Variants in TAFA5 observed in about 807,000 individuals in gnomAD.
The protein encoded by TAFA5 is chemokine-like protein TAFA-5.
TAFA5 carries 6 observed loss-of-function variants against 15.3 expected under a neutral mutation model. That is an observed-to-expected ratio of 0.39 (90% CI 0.21 to 0.77). The LOEUF (loss-of-function observed/expected upper bound fraction) is 0.77, where lower values mean the gene tolerates loss of function less well. TAFA5 is among the 30% of genes least tolerant of loss of function. The probability of loss-of-function intolerance (pLI) is 0.41; values close to 1 mark genes in which losing one functional copy is unlikely to be tolerated. For synonymous variants in TAFA5, 103 were observed against 80.7 expected, an observed-to-expected ratio of 1.28 and a Z score of -1.48; for missense variants, 161 against 193.1, an observed-to-expected ratio of 0.83 and a Z score of 0.98.
rs130225 is a variant in TAFA5, at chr22:48,742,890, A to C, written c.391-6949A>C. ...GTGAGGAGGGCCCTCTGCTGCCTCCATGCAGCCCACACGCGGGGCCCCCAC... is the reference window on the plus strand; with the variant it reads ...GTGAGGAGGGCCCTCTGCTGCCTCCCTGCAGCCCACACGCGGGGCCCCCAC... On this transcript the variant is annotated intron_variant, in intron 3 of 3. Transcript: ENST00000402357. This position sits in a 1 kb window ranked among gnomAD's most constrained non-coding sequence, Gnocchi z 6.2. Among the ~76,000 whole-genome samples the C allele has an allele frequency of 5.9e-5, 9 of 152,020 alleles. No individual in the cohort carries two copies. The highest frequency in any genetic ancestry group is 2.1e-4 in the South Asian group (1 of 4,832).
rs1201475535 is a variant in TAFA5, at chr22:48,750,942, CTG to C, written c.*1096_*1097del. On this transcript the variant is annotated 3_prime_UTR_variant, in exon 4 of 4. Coordinates refer to ENST00000402357, the MANE Select transcript of TAFA5 (RefSeq NM_001082967.3). ...CGAGCCCCGTGTGTTTCTGAAGACT[CTG>C]GGGGTGGGACACGGCGGGGAGGTGG... The C allele has an allele frequency of 6.6e-6, 1 of 152,432 alleles. No homozygotes were observed. The allele number at this position is 152,432 out of a possible 1,614,324, so 9.4% of individuals were successfully genotyped here. A position where few individuals can be genotyped will look rare whatever the true frequency, so the allele number is the denominator to read the frequency against.
At chr22:48,712,081 A>G (rs1170696548) in intron 3 of TAFA5, among the ~76,000 whole-genome samples, 1 of 152,040 alleles carries the variant, frequency 6.6e-6, no homozygotes, top group Non-Finnish European at 1.5e-5. Flanking sequence ...TTGGGGATGG[A>G]GTTTCGCTCT....
Position 48,493,114 on chromosome 22 carries a change from C to A in TAFA5, c.112+3410C>A, listed in dbSNP as rs552655837. Reference sequence around the variant, plus strand: ...GGACCTGGGGCAACTCCCTATGACACCTAAGCACTGACTCGGTCCTTGTGT... The same window carrying A: ...GGACCTGGGGCAACTCCCTATGACAACTAAGCACTGACTCGGTCCTTGTGT... On this transcript the variant is annotated intron_variant, in intron 1 of 3. Coordinates refer to ENST00000402357, the MANE Select transcript of TAFA5 (RefSeq NM_001082967.3). Among the ~76,000 whole-genome samples the A allele has an allele frequency of 1.5e-4, 23 of 152,292 alleles. 1 individual carries two copies. The South Asian group carries it at 4.4e-3, about 29-fold the overall frequency.
At chr22:48,665,084 G>A (rs545552654) in intron 2 of TAFA5, among the ~76,000 whole-genome samples, 50 of 152,242 alleles carry the variant, frequency 3.3e-4, no homozygotes, top group African/African-American at 1.1e-3. Flanking sequence ...CTCCAGCACC[G>A]GCGATGGTCA....
intron 1 of TAFA5, among the ~76,000 whole-genome samples, chr22:48,579,584 T>C (rs1224828266): frequency 6.6e-6 from 1 of 152,238 alleles, no homozygotes; most frequent in East Asian, 1.9e-4. Context: ...TCCATCATCA[T>C]GTTTGGCCTC....
chr22:48,700,557 C>A (rs929198818), intron 2 of TAFA5, among the ~76,000 whole-genome samples: 3 of 152,234 alleles, frequency 2.0e-5, no homozygotes, highest in East Asian at 1.9e-4. Context: ...AGGAGGGGAG[C>A]GGAAGCGGGC....
In TAFA5 at chr22:48,560,114, C is replaced by T. The variant is rs893622707; in HGVS notation, c.112+70410C>T. Among the ~76,000 whole-genome samples, 1 of 152,188 alleles carries T rather than the reference C, an allele frequency of 6.6e-6. No individual in the cohort carries two copies. The highest frequency in any genetic ancestry group is 1.5e-5 in the Non-Finnish European group (1 of 68,028). Reference sequence around the variant, plus strand: ...GCAGCATAGGATTTGGGGACCTCCACGTGCCGTCCCATGGGAAAGCCGAGT... The same window carrying T: ...GCAGCATAGGATTTGGGGACCTCCATGTGCCGTCCCATGGGAAAGCCGAGT... On this transcript the variant is annotated intron_variant, in intron 1 of 3. Coordinates refer to ENST00000402357, the MANE Select transcript of TAFA5 (RefSeq NM_001082967.3). The surrounding 1 kb of genome is among the most constrained non-coding windows in gnomAD (Gnocchi z 4.2).
intron 2 of TAFA5, among the ~76,000 whole-genome samples, chr22:48,696,237 G>A (rs189551255): frequency 2.6e-5 from 4 of 152,316 alleles, no homozygotes; most frequent in Non-Finnish European, 1.5e-5. Context: ...CTCTGCAGAC[G>A]CTGTGGCTTT....
rs1029159075 is a variant in TAFA5 at position 48,534,283 on chromosome 22, G to C, written c.112+44579G>C. 2.6e-5 allele frequency among the ~76,000 whole-genome samples: 4 copies of C among 151,936 alleles called. No homozygotes were observed. In the East Asian group the frequency reaches 7.8e-4, roughly 30 times the overall value. ...CAGGTGAGGTGGATCAGGCAATTGC[G>C]GTGGGTAAGGCAGGTGAGGGGAGTC... On this transcript the variant is annotated intron_variant, in intron 1 of 3. Coordinates refer to ENST00000402357, the MANE Select transcript of TAFA5 (RefSeq NM_001082967.3).
chr22:48,663,911 T>A (rs190178659), intron 2 of TAFA5, among the ~76,000 whole-genome samples: 1 of 152,318 alleles, frequency 6.6e-6, no homozygotes, highest in African/African-American at 2.4e-5. Context: ...AATTCAGATA[T>A]GCCAGAAAGA....
intron 1 of TAFA5, among the ~76,000 whole-genome samples, chr22:48,633,257 GC>G (rs1926298396): frequency 1.3e-5 from 2 of 152,230 alleles, no homozygotes; most frequent in South Asian, 4.1e-4. Context: ...AATGTCATCT[GC>G]CCACCACGGC....
At chr22:48,622,118 A>C (rs1485423426) in intron 1 of TAFA5, among the ~76,000 whole-genome samples, 1 of 152,076 alleles carries the variant, frequency 6.6e-6, no homozygotes, top group Non-Finnish European at 1.5e-5. Flanking sequence ...GAGACGCTGA[A>C]ATCACCCTAG....
chr22:48,641,973 C>T (rs149975797), intron 1 of TAFA5, among the ~76,000 whole-genome samples: 1 of 152,180 alleles, frequency 6.6e-6, no homozygotes, highest in African/African-American at 2.4e-5. Context: ...AAGAAAAGGC[C>T]GGCGCCGTGG....
chr22:48,543,213 C>T (rs999934156), intron 1 of TAFA5: 2 of 152,120 alleles, frequency 1.3e-5, no homozygotes, highest in African/African-American at 4.8e-5. Context: ...GGATCTCTGA[C>T]GCTTTGGCCC....
At chr22:48,670,636 C>A (rs1256641447) in intron 2 of TAFA5, among the ~76,000 whole-genome samples, 1 of 152,256 alleles carries the variant, frequency 6.6e-6, no homozygotes, top group African/African-American at 2.4e-5. Flanking sequence ...AACCCAAGGT[C>A]AAAGCTCCTT....
At chr22:48,527,939 C>A (rs555081945) in intron 1 of TAFA5, among the ~76,000 whole-genome samples, 1 of 152,372 alleles carries the variant, frequency 6.6e-6, no homozygotes, top group Non-Finnish European at 1.5e-5. Flanking sequence ...CGCTCTTCTT[C>A]AGGCACTTCT....
intron 2 of TAFA5, among the ~76,000 whole-genome samples, chr22:48,662,176 G>A (rs539052607): frequency 6.6e-6 from 1 of 152,248 alleles, no homozygotes; most frequent in South Asian, 2.1e-4. Flanking sequence ...GGATGTGCCT[G>A]GTGCCTGTGG....
intron 1 of TAFA5, among the ~76,000 whole-genome samples, chr22:48,521,966 G>T (rs573027518): frequency 2.8e-4 from 42 of 152,310 alleles, no homozygotes; most frequent in African/African-American, 9.6e-4. Context: ...GAGGACAGAG[G>T]CCGAGCTCCC....
intron 3 of TAFA5, among the ~76,000 whole-genome samples, chr22:48,717,718 G>A (rs750456257): frequency 2.3e-4 from 35 of 152,344 alleles, no homozygotes; most frequent in Non-Finnish European, 4.9e-4. Context: ...GGACCACAGA[G>A]CAGGCATGGC....
Sources: allele counts gnomAD v4.1 joint callset (sites outside exome capture counted in the v4.1 genomes callset), GRCh38; gene constraint gnomAD v4.1.1; non-coding constraint Gnocchi (gnomAD v3.1); transcripts MANE v1.5; gene names NCBI Gene and HGNC (gene_info 2026-07-23, HGNC 2026-07-21).